The following SCUBE3 variants were observed in gnomAD, a reference collection of about 807,000 sequenced individuals.
SCUBE3 encodes the protein signal peptide, CUB domain and EGF like domain containing 3.
In SCUBE3, 33 loss-of-function variants were observed where a neutral mutation model predicts 116.8. The ratio of observed to expected loss-of-function variants is 0.28; its 90% CI spans 0.21 to 0.38. The LOEUF (loss-of-function observed/expected upper bound fraction) is 0.38, where lower values mean the gene tolerates loss of function less well. Among genes scored for constraint, SCUBE3 ranks in the 10% least tolerant of loss-of-function variants. SCUBE3 has a pLI of 1.00. For missense variants in SCUBE3, 1,007 were observed against 1,324.8 expected (o/e 0.76, Z 3.72); for synonymous variants, 418 against 496.9 (o/e 0.84, Z 2.11).
intron 1 of SCUBE3, among the ~76,000 whole-genome samples, chr6:35,226,363 T>C (rs923662101): frequency 6.6e-6 from 1 of 152,146 alleles, no homozygotes; most frequent in Non-Finnish European, 1.5e-5. Flanking sequence ...ATCATTATAG[T>C]GTCTTTCACA....
intron 7 of SCUBE3, 53 bp downstream of exon 7, chr6:35,238,071 T>C (rs747676527): frequency 1.6e-4 from 175 of 1,079,754 alleles, no homozygotes; most frequent in Non-Finnish European, 2.3e-4. Context: ...GGGGCTGAGG[T>C]TGGGACCAGA....
chr6:35,214,499 G>A lies in SCUBE3; in HGVS notation c.81G>A (p.Ala27=), dbSNP rs543955614. ...HARAAQYSKA[A]QDVDECVEGT... Reference sequence around the variant, plus strand: ...GCGCCGCCCAGTACAGCAAAGCCGCGCAAGGTAAGGAAGGAGGGGCGCGCG... The same window carrying A: ...GCGCCGCCCAGTACAGCAAAGCCGCACAAGGTAAGGAAGGAGGGGCGCGCG... The change falls in exon 1 of 22, where the codon GCG becomes GCA. Residue 27 remains alanine (A), a synonymous_variant. Transcript: ENST00000274938. The surrounding 1 kb of genome is among the most constrained non-coding windows in gnomAD (Gnocchi z 6.3). 3.3e-6 allele frequency: 5 copies of A among 1,494,604 alleles called. No individual in the cohort carries two copies. Among genetic ancestry groups the A allele is most frequent in the South Asian group, 2.5e-5 (2 of 78,770 alleles). 92.6% of individuals were successfully genotyped at this position (1,494,604 alleles called of 1,614,324 possible).
chr6:35,218,240 ATG>A, intron 1 of SCUBE3: 1 of 591,442 alleles, frequency 1.7e-6, no homozygotes. Flanking sequence ...ACACGTGTGA[ATG>A]TGTGTGCATG....
intron 1 of SCUBE3, among the ~76,000 whole-genome samples, chr6:35,215,689 C>G (rs898155031): frequency 4.6e-5 from 7 of 152,200 alleles, no homozygotes; most frequent in Non-Finnish European, 8.8e-5. Context: ...GGCTCCTGCT[C>G]TGTGAAGAGG....
chr6:35,223,313 C>T (rs757308168), intron 1 of SCUBE3: 2 of 152,212 alleles, frequency 1.3e-5, no homozygotes, highest in Non-Finnish European at 2.9e-5. Flanking sequence ...TGGGGAGGTA[C>T]TATGATGAAT....
rs901677826 is a variant in SCUBE3 at position 35,219,237 on chromosome 6, G to A, written c.85+4734G>A. ...GAAGAACACATGTGTGTTTCTATATGTGTGTATCCAACAAAGTTGGGAAGT... is the reference window on the plus strand; with the variant it reads ...GAAGAACACATGTGTGTTTCTATATATGTGTATCCAACAAAGTTGGGAAGT... On this transcript the variant is annotated intron_variant, in intron 1 of 21. Transcript: ENST00000274938. This position sits in a 1 kb window ranked among gnomAD's most constrained non-coding sequence, Gnocchi z 4.7. Among the ~76,000 whole-genome samples the A allele has an allele frequency of 3.9e-5, 6 of 152,206 alleles. No homozygotes were observed. The highest frequency in any genetic ancestry group is 1.4e-4 in the African/African-American group (6 of 41,458).
chr6:35,226,501 T>C (rs1355128772), intron 1 of SCUBE3, among the ~76,000 whole-genome samples: 2 of 146,494 alleles, frequency 1.4e-5, no homozygotes, highest in Non-Finnish European at 1.5e-5. Context: ...TTTTTTTTTT[T>C]TGAGATAGAG....
Position 35,235,803 on chromosome 6 carries a change from TCCC to T in SCUBE3, c.713-2097_713-2095del, listed in dbSNP as rs1242180520. On this transcript the variant is annotated intron_variant, in intron 6 of 21. Transcript: ENST00000274938. This position sits in a 1 kb window ranked among gnomAD's most constrained non-coding sequence, Gnocchi z 4.5. Reference sequence around the variant, plus strand: ...CCCCACCCCACTCCCAGCCATCTGCTCCCCACCCCCCTCTACCCAGCCAGCCTC... The same window carrying T: ...CCCCACCCCACTCCCAGCCATCTGCTCACCCCCCTCTACCCAGCCAGCCTC... 6.9e-6 allele frequency among the ~76,000 whole-genome samples: 1 copy of T among 144,252 alleles called. No homozygotes were observed. The highest frequency in any genetic ancestry group is 2.6e-5 in the African/African-American group (1 of 38,354). 94.6% of individuals were successfully genotyped at this position (144,252 alleles called of 152,430 possible).
intron 6 of SCUBE3, among the ~76,000 whole-genome samples, chr6:35,237,005 T>C (rs2150304354): frequency 6.6e-6 from 1 of 152,320 alleles, no homozygotes; most frequent in Non-Finnish European, 1.5e-5. Flanking sequence ...TCGACACTCC[T>C]CCTACTCTGA....
At position 35,242,702 on chromosome 6, in the gene SCUBE3, G is replaced by A. The variant is rs1318360790; in HGVS notation, c.1615G>A (p.Ala539Thr). 41 of 1,614,164 alleles carry A rather than the reference G, an allele frequency of 2.5e-5. No homozygotes were observed. The highest frequency in any genetic ancestry group is 3.4e-5 in the Non-Finnish European group (40 of 1,179,992). ...CTCTCGGAAGGGCAAGGGCCGACGG[G>A]CCCGGACCCCTCCAGGCAAAGAGGT... Reference protein sequence around the residue: ...DSSRKGKGRRARTPPGKEVTR... With the variant: ...DSSRKGKGRRTRTPPGKEVTR... The change falls in exon 14 of 22, where the codon GCC becomes ACC. Residue 539 changes from alanine to threonine, a missense_variant. Coordinates refer to ENST00000274938, the MANE Select transcript of SCUBE3 (RefSeq NM_152753.4).
rs1019459751 is a variant in SCUBE3 at position 35,231,422 on chromosome 6, G to A, written c.335-303G>A. 5.3e-5 allele frequency among the ~76,000 whole-genome samples: 8 copies of A among 152,118 alleles called. No individual in the cohort carries two copies. The highest frequency in any genetic ancestry group is 9.7e-5 in the African/African-American group (4 of 41,408). ...TCCTCTTTCTCTGGCTTCTTTCCTG[G>A]TGTCCTCTGTCTTCATACCCAGTTT... On this transcript the variant is annotated intron_variant, in intron 3 of 21. Transcript: ENST00000274938. This position sits in a 1 kb window ranked among gnomAD's most constrained non-coding sequence, Gnocchi z 4.2.
At chr6:35,225,162 A>T (rs1432377234) in intron 1 of SCUBE3, among the ~76,000 whole-genome samples, 1 of 152,196 alleles carries the variant, frequency 6.6e-6, no homozygotes, top group Non-Finnish European at 1.5e-5. Context: ...TTTACCAGAT[A>T]CTTTATTAGC....
Position 35,232,718 on chromosome 6 carries a change from T to A in SCUBE3, c.470-132T>A. 4 of 840,180 alleles carry A rather than the reference T, an allele frequency of 4.8e-6. No individual in the cohort carries two copies. The highest frequency in any genetic ancestry group is 7.6e-6 in the Non-Finnish European group (4 of 525,342). The allele number at this position is 840,180 out of a possible 1,614,324, so 52.0% of individuals were successfully genotyped here. On this transcript the variant is annotated intron_variant, in intron 4 of 21. Coordinates refer to ENST00000274938, the MANE Select transcript of SCUBE3 (RefSeq NM_152753.4). This position sits in a 1 kb window ranked among gnomAD's most constrained non-coding sequence, Gnocchi z 4.2. ...GACAGGAGGCCTGGGACAAGGAGAG[T>A]CAGTCCCCTCGTGTTGAATTCAACC... is the stretch of plus-strand genomic sequence containing the variant.
At chr6:35,237,721 G>A (rs1199976065) in intron 6 of SCUBE3, among the ~76,000 whole-genome samples, 181 bp from the exon 7 acceptor site, 1 of 152,198 alleles carries the variant, frequency 6.6e-6, no homozygotes, top group Non-Finnish European at 1.5e-5. Flanking sequence ...GTGAGGGGAT[G>A]GGGGTTGGGA....
At position 35,232,252 on chromosome 6, in the gene SCUBE3, C is replaced by A. The variant is rs6912215; in HGVS notation, c.469+393C>A. ...AATAATGGGTTTATATTGGCTGTTT[C>A]TATGACTCATGCCCCCCACTCCCAC... On this transcript the variant is annotated intron_variant, in intron 4 of 21. Transcript: ENST00000274938. The surrounding 1 kb of genome is among the most constrained non-coding windows in gnomAD (Gnocchi z 4.2). Among the ~76,000 whole-genome samples, 7 of 152,132 alleles carry A rather than the reference C, an allele frequency of 4.6e-5. No homozygotes were observed. The highest frequency in any genetic ancestry group is 6.5e-5 in the Admixed American group (1 of 15,280).
intron 21 of SCUBE3, among the ~76,000 whole-genome samples, chr6:35,246,842 G>A (rs1275151884): frequency 2.0e-5 from 3 of 151,994 alleles, no homozygotes; most frequent in Non-Finnish European, 4.4e-5. Flanking sequence ...ATCCGGGTGC[G>A]GTGGCAGGCG....
chr6:35,239,987 T>G lies in SCUBE3; in HGVS notation c.952+113T>G. The G allele has an allele frequency of 2.2e-6, 2 of 918,474 alleles. No individual in the cohort carries two copies. Among genetic ancestry groups the G allele is most frequent in the Non-Finnish European group, 3.1e-6 (2 of 635,360 alleles). The allele number at this position is 918,474 out of a possible 1,614,324, so 56.9% of individuals were successfully genotyped here. A position where few individuals can be genotyped will look rare whatever the true frequency, so the allele number is the denominator to read the frequency against. On this transcript the variant is annotated intron_variant, in intron 8 of 21. Coordinates refer to ENST00000274938, the MANE Select transcript of SCUBE3 (RefSeq NM_152753.4). This position sits in a 1 kb window ranked among gnomAD's most constrained non-coding sequence, Gnocchi z 4.1. ...CTCAATAGATATCACACAGAGTCTC[T>G]AGAGGCAGTGTCATCCTGCAAATTA...
At position 35,235,180 on chromosome 6, in the gene SCUBE3, T is replaced by C. The variant is rs1783714385; in HGVS notation, c.712+1879T>C. Among the ~76,000 whole-genome samples, 1 of 152,202 alleles carries C rather than the reference T, an allele frequency of 6.6e-6. No homozygotes were observed. The highest frequency in any genetic ancestry group is 1.5e-5 in the Non-Finnish European group (1 of 68,038). Reference sequence around the variant, plus strand: ...CATCCCAGCTTAGGCTTGAGCATGCTCTGTGGTACTGGGCACATGGTTGGT... The same window carrying C: ...CATCCCAGCTTAGGCTTGAGCATGCCCTGTGGTACTGGGCACATGGTTGGT... On this transcript the variant is annotated intron_variant, in intron 6 of 21. Transcript: ENST00000274938. This position sits in a 1 kb window ranked among gnomAD's most constrained non-coding sequence, Gnocchi z 4.5.
In SCUBE3 at chr6:35,248,547, C is replaced by G. The variant is rs372678796; in HGVS notation, c.2833-9C>G. 1 of 1,613,734 alleles carries G rather than the reference C, an allele frequency of 6.2e-7. No homozygotes were observed. The highest frequency in any genetic ancestry group is 1.3e-5 in the African/African-American group (1 of 74,876). The stretch of plus-strand genomic sequence containing the variant: ...TGAGGCTGACATTGCTCCCTGCCAT[C>G]CTTTGCAGGACAAGAAGCTCATCAA... On this transcript the variant is annotated splice_polypyrimidine_tract_variant and intron_variant, in intron 21 of 21. Transcript: ENST00000274938.
Sources: allele counts gnomAD v4.1 joint callset (sites outside exome capture counted in the v4.1 genomes callset), GRCh38; gene constraint gnomAD v4.1.1; non-coding constraint Gnocchi (gnomAD v3.1); transcripts MANE v1.5; gene names NCBI Gene and HGNC (gene_info 2026-07-23, HGNC 2026-07-21).